RPS6KC1: variants seen among roughly 807,000 people sequenced by gnomAD.
The protein encoded by RPS6KC1 is inactive ribosomal protein S6 kinase delta-1.
RPS6KC1 carries 54 observed loss-of-function variants against 103.8 expected under a neutral mutation model. The ratio of observed to expected loss-of-function variants is 0.52; its 90% CI spans 0.42 to 0.65. The LOEUF (loss-of-function observed/expected upper bound fraction) is 0.65, where lower values mean the gene tolerates loss of function less well. Ranked by LOEUF, RPS6KC1 falls within the 30% of genes least tolerant of loss-of-function variation. The probability of loss-of-function intolerance (pLI) is 0.00; values close to 1 mark genes in which losing one functional copy is unlikely to be tolerated. For missense variants in RPS6KC1, 1,151 were observed against 1,253.8 expected (o/e 0.92, Z 1.24); for synonymous variants, 439 against 438.7 (o/e 1.00, Z -0.01).
At chr1:213,767,586 C>T in the RPS6KC1 span, among the ~76,000 whole-genome samples, 1 of 152,166 alleles carries the variant, frequency 6.6e-6, no homozygotes, top group East Asian at 1.9e-4. Context: ...CTGGCCTAGG[C>T]CCTGCGGGTA....
the RPS6KC1 span, among the ~76,000 whole-genome samples, chr1:213,763,706 T>C: frequency 6.6e-6 from 1 of 152,220 alleles, no homozygotes; most frequent in African/African-American, 2.4e-5. Flanking sequence ...ACGAGTAAGA[T>C]TCTTAGCGAG....
At chr1:213,735,648 A>G in the RPS6KC1 span, among the ~76,000 whole-genome samples, 11 of 152,218 alleles carry the variant, frequency 7.2e-5, no homozygotes, top group African/African-American at 2.7e-4. Flanking sequence ...TTACCATCTT[A>G]TCTGAACAAG....
At chr1:213,563,779 A>G in the RPS6KC1 span, among the ~76,000 whole-genome samples, 16 of 151,880 alleles carry the variant, frequency 1.1e-4, no homozygotes, top group Non-Finnish European at 1.6e-4. Context: ...AAACATTTTA[A>G]TTCTGATCAT....
At chr1:213,211,575 G>A (rs917948755) in intron 8 of RPS6KC1, among the ~76,000 whole-genome samples, 1 of 152,286 alleles carries the variant, frequency 6.6e-6, no homozygotes, top group South Asian at 2.1e-4. Flanking sequence ...GTTTTATAAA[G>A]TAATAGATGT....
chr1:213,089,281 C>G (rs1035105728), intron 3 of RPS6KC1, among the ~76,000 whole-genome samples: 2 of 152,114 alleles, frequency 1.3e-5, no homozygotes, highest in South Asian at 4.1e-4. Flanking sequence ...ATGTGACTGC[C>G]TGCTTTTGGC....
intron 5 of RPS6KC1, among the ~76,000 whole-genome samples, chr1:213,121,767 G>A (rs891293973): frequency 7.9e-5 from 12 of 152,090 alleles, no homozygotes; most frequent in African/African-American, 2.9e-4. Context: ...TTTTCAGTTT[G>A]GGGAGGGACA....
intron 1 of RPS6KC1, among the ~76,000 whole-genome samples, chr1:213,058,438 T>G (rs538400045): frequency 4.6e-5 from 7 of 152,118 alleles, no homozygotes; most frequent in Admixed American, 2.6e-4. Flanking sequence ...TTGAGGTTTT[T>G]TTTTTTGTTT....
At chr1:213,292,019 C>T in the RPS6KC1 span, among the ~76,000 whole-genome samples, 1 of 151,612 alleles carries the variant, frequency 6.6e-6, no homozygotes, top group Non-Finnish European at 1.5e-5. Flanking sequence ...TTCCCCATTG[C>T]TTGTTTTTCT....
the RPS6KC1 span, among the ~76,000 whole-genome samples, chr1:213,528,306 A>T: frequency 1.9e-3 from 290 of 152,260 alleles, no homozygotes; most frequent in African/African-American, 6.4e-3. Context: ...AAGGGGAGAA[A>T]AGTCCCTTAT....
At chr1:213,380,701 T>C in the RPS6KC1 span, among the ~76,000 whole-genome samples, 1 of 152,200 alleles carries the variant, frequency 6.6e-6, no homozygotes, top group African/African-American at 2.4e-5. Flanking sequence ...TTCCTTAATG[T>C]AGCTGGAAAA....
At chr1:213,311,625 G>C in the RPS6KC1 span, among the ~76,000 whole-genome samples, 1 of 152,090 alleles carries the variant, frequency 6.6e-6, no homozygotes, top group Admixed American at 6.6e-5. Flanking sequence ...CTACATGTTG[G>C]GGGTGGGTGA....
the RPS6KC1 span, among the ~76,000 whole-genome samples, chr1:213,526,192 G>T: frequency 1.3e-5 from 2 of 152,260 alleles, no homozygotes; most frequent in East Asian, 1.9e-4. Flanking sequence ...ACGTGTGATC[G>T]ATTGAATGTT....
chr1:213,655,508 T>C, the RPS6KC1 span, among the ~76,000 whole-genome samples: 2 of 152,230 alleles, frequency 1.3e-5, no homozygotes, highest in African/African-American at 4.8e-5. Context: ...CCCTCACTTG[T>C]GGAAAAGGAT....
the RPS6KC1 span, among the ~76,000 whole-genome samples, chr1:213,371,119 C>A: frequency 6.6e-6 from 1 of 151,970 alleles, no homozygotes; most frequent in Non-Finnish European, 1.5e-5. Flanking sequence ...TGCTCCTTAC[C>A]CCCAGCCCCT....
the RPS6KC1 span, among the ~76,000 whole-genome samples, chr1:213,559,862 A>G: frequency 6.6e-6 from 1 of 152,240 alleles, no homozygotes. Context: ...TATAGAATCA[A>G]TATAAAAATT....
intron 8 of RPS6KC1, among the ~76,000 whole-genome samples, chr1:213,184,384 G>T (rs2092430376): frequency 1.3e-5 from 2 of 151,796 alleles, no homozygotes; most frequent in East Asian, 1.9e-4. Flanking sequence ...TCTATACCAT[G>T]AATTTATTAT....
the RPS6KC1 span, among the ~76,000 whole-genome samples, chr1:213,631,362 G>A: frequency 7.1e-6 from 1 of 141,038 alleles, no homozygotes; most frequent in South Asian, 2.4e-4. Context: ...CCACCAATCT[G>A]GGGCTCTTTC....
At chr1:213,706,365 A>G in the RPS6KC1 span, among the ~76,000 whole-genome samples, 7 of 152,300 alleles carry the variant, frequency 4.6e-5, no homozygotes, top group South Asian at 1.2e-3. Flanking sequence ...CTGCTATAAC[A>G]GGACAGCACT....
chr1:213,165,211 G>A (rs2090850719), intron 6 of RPS6KC1, among the ~76,000 whole-genome samples: 1 of 151,990 alleles, frequency 6.6e-6, no homozygotes. Flanking sequence ...TTAAGGGATT[G>A]ATAAGGAAGG....
Sources: allele counts gnomAD v4.1 joint callset (sites outside exome capture counted in the v4.1 genomes callset), GRCh38; gene constraint gnomAD v4.1.1; transcripts MANE v1.5; gene names NCBI Gene and HGNC (gene_info 2026-07-23, HGNC 2026-07-21).